The following ZDHHC14 variants were observed in gnomAD, a reference collection of about 807,000 sequenced individuals.
ZDHHC14 encodes the protein palmitoyltransferase ZDHHC14.
Under a neutral mutation model 47.7 loss-of-function variants are expected in ZDHHC14, and 16 were observed. That is an observed-to-expected ratio of 0.34 (90% CI 0.23 to 0.51). The LOEUF (loss-of-function observed/expected upper bound fraction) is 0.51, where lower values mean the gene tolerates loss of function less well. Ranked by LOEUF, ZDHHC14 falls within the 20% of genes least tolerant of loss-of-function variation. ZDHHC14 has a pLI of 0.97. For synonymous variants in ZDHHC14, 293 were observed against 278.9 expected (o/e 1.05, Z -0.50); for missense variants, 515 against 662.5 (o/e 0.78, Z 2.44).
At chr6:157,407,150 G>A (rs1457690056) in intron 1 of ZDHHC14, among the ~76,000 whole-genome samples, 1 of 152,184 alleles carries the variant, frequency 6.6e-6, no homozygotes, top group East Asian at 1.9e-4. Flanking sequence ...CAAAGAGGGT[G>A]GGTGACCAGT....
At chr6:157,472,923 T>C (rs2114827495) in intron 1 of ZDHHC14, among the ~76,000 whole-genome samples, 1 of 152,338 alleles carries the variant, frequency 6.6e-6, no homozygotes, top group South Asian at 2.1e-4. Context: ...TGCCATATTG[T>C]GTTGCTTCCT....
chr6:157,539,242 A>G (rs1781658464), intron 1 of ZDHHC14, among the ~76,000 whole-genome samples: 1 of 151,894 alleles, frequency 6.6e-6, no homozygotes, highest in Non-Finnish European at 1.5e-5. Flanking sequence ...TTTCTACAAA[A>G]CACACAAAAA....
chr6:157,486,847 G>A (rs141115594), intron 1 of ZDHHC14, among the ~76,000 whole-genome samples: 141 of 152,330 alleles, frequency 9.3e-4, no homozygotes, highest in Non-Finnish European at 1.7e-3. Context: ...ACAGAAGGAA[G>A]TGTGGTGAGC....
intron 5 of ZDHHC14, among the ~76,000 whole-genome samples, chr6:157,644,603 A>G (rs952971471): frequency 2.0e-5 from 3 of 152,220 alleles, no homozygotes; most frequent in African/African-American, 7.2e-5. Context: ...ACAGCAGACC[A>G]CGGCACCGCA....
intron 1 of ZDHHC14, among the ~76,000 whole-genome samples, chr6:157,479,786 G>A (rs1378035799): frequency 6.6e-6 from 1 of 152,276 alleles, no homozygotes; most frequent in African/African-American, 2.4e-5. Flanking sequence ...GCCTGCCCAA[G>A]TGGACACTTC....
chr6:157,398,957 A>C (rs1471664073), intron 1 of ZDHHC14, among the ~76,000 whole-genome samples: 2 of 152,222 alleles, frequency 1.3e-5, no homozygotes, highest in African/African-American at 4.8e-5. Context: ...CCAAAGAAAA[A>C]TGATTTTACT....
At chr6:157,433,578 G>T (rs77137580) in intron 1 of ZDHHC14, among the ~76,000 whole-genome samples, 31,455 of 152,192 alleles carry the variant, frequency 0.21, 4,228 homozygotes, top group Middle Eastern at 0.33. Flanking sequence ...TTTTGTCCTG[G>T]TTACAACGGG....
intron 1 of ZDHHC14, among the ~76,000 whole-genome samples, chr6:157,461,476 G>A (rs1779085353): frequency 6.6e-6 from 1 of 152,152 alleles, no homozygotes; most frequent in South Asian, 2.1e-4. Context: ...CGCATTGTAC[G>A]TGTACAGTCC....
Position 157,524,676 on chromosome 6 carries a change from C to T in ZDHHC14, c.246-17909C>T, listed in dbSNP as rs543856848. On this transcript the variant is annotated intron_variant, in intron 1 of 8. Transcript: ENST00000359775. ...GACCCAAGCTTCAGTTAATCCGTGA[C>T]GGAGCCTTAACTAATAATTTAAAAG... Among the ~76,000 whole-genome samples the T allele has an allele frequency of 6.6e-5, 10 of 152,316 alleles. 1 individual carries two copies. In the East Asian group the frequency reaches 7.7e-4, roughly 12 times the overall value.
At chr6:157,406,239 G>A (rs1777760545) in intron 1 of ZDHHC14, among the ~76,000 whole-genome samples, 1 of 152,208 alleles carries the variant, frequency 6.6e-6, no homozygotes, top group Non-Finnish European at 1.5e-5. Flanking sequence ...AGGACCGGGT[G>A]CTGAGAGGTG....
At position 157,416,972 on chromosome 6, in the gene ZDHHC14, G is replaced by GTTTTTTTTTTTT. The variant is rs71027335; in HGVS notation, c.245+34724_245+34735dup. 2.7e-3 allele frequency among the ~76,000 whole-genome samples: 124 copies of GTTTTTTTTTTTT among 45,558 alleles called. 3 individuals are homozygous for GTTTTTTTTTTTT. Among genetic ancestry groups the GTTTTTTTTTTTT allele is most frequent in the African/African-American group, 4.3e-3 (39 of 9,064 alleles). The allele number at this position is 45,558 out of a possible 152,430, so 29.9% of individuals were successfully genotyped here. A position where few individuals can be genotyped will look rare whatever the true frequency, so the allele number is the denominator to read the frequency against. ...AGGTGCCCGCCACCATGCCTGGCTA[G>GTTTTTTTTTTTT]TTTTTTTTTTTTTTTTTTTTTTTTT... On this transcript the variant is annotated intron_variant, in intron 1 of 8. Transcript: ENST00000359775.
At chr6:157,399,651 G>A (rs945738312) in intron 1 of ZDHHC14, among the ~76,000 whole-genome samples, 3 of 152,246 alleles carry the variant, frequency 2.0e-5, no homozygotes, top group Admixed American at 6.5e-5. Flanking sequence ...CCACTGGAGC[G>A]GCTTCCCTGC....
chr6:157,579,885 T>C (rs1783452073), intron 2 of ZDHHC14, among the ~76,000 whole-genome samples: 1 of 152,204 alleles, frequency 6.6e-6, no homozygotes. Flanking sequence ...CTTTTATTTC[T>C]TCCTCCTGAC....
intron 2 of ZDHHC14, among the ~76,000 whole-genome samples, chr6:157,590,844 G>A (rs1051742169): frequency 1.3e-5 from 2 of 152,248 alleles, no homozygotes; most frequent in African/African-American, 4.8e-5. Context: ...GAAAGCAGTT[G>A]GGAGGGGGGT....
chr6:157,461,996 T>C (rs1365856559), intron 1 of ZDHHC14, among the ~76,000 whole-genome samples: 1 of 152,188 alleles, frequency 6.6e-6, no homozygotes, highest in African/African-American at 2.4e-5. Flanking sequence ...CCCTGTTGGG[T>C]CAGATCCTGG....
Position 157,493,661 on chromosome 6 carries a change from GCC to G in ZDHHC14, c.246-48922_246-48921del, listed in dbSNP as rs1290723743. Among the ~76,000 whole-genome samples, 6 of 152,378 alleles carry G rather than the reference GCC, an allele frequency of 3.9e-5. No homozygotes were observed. The South Asian group carries it at 1.2e-3, about 32-fold the overall frequency. On this transcript the variant is annotated intron_variant, in intron 1 of 8. Transcript: ENST00000359775. ...TCAGGATGGGTGCTGTGTGGGCACA[GCC>G]CTGGAACTTCCAAAGCAGCGATGCT...
chr6:157,570,390 T>A (rs551385686), intron 2 of ZDHHC14, among the ~76,000 whole-genome samples: 1 of 152,366 alleles, frequency 6.6e-6, no homozygotes, highest in South Asian at 2.1e-4. Flanking sequence ...TTTCTGACAA[T>A]GCAGAAATTA....
At chr6:157,633,123 A>T (rs1224471875) in intron 5 of ZDHHC14, among the ~76,000 whole-genome samples, 2 of 152,126 alleles carry the variant, frequency 1.3e-5, no homozygotes, top group African/African-American at 4.8e-5. Context: ...ACCCCCAGAA[A>T]TCAGCATGGA....
chr6:157,543,962 AT>A (rs994131698), intron 2 of ZDHHC14, among the ~76,000 whole-genome samples: 2 of 152,252 alleles, frequency 1.3e-5, no homozygotes, highest in East Asian at 1.9e-4. Flanking sequence ...CTATCACTGC[AT>A]TTTTTTCCAC....
Sources: gnomAD v4.1 joint callset for allele counts (sites outside exome capture counted in the v4.1 genomes callset) on GRCh38, gnomAD v4.1.1 for gene constraint, MANE v1.5 for transcripts, NCBI Gene and HGNC (gene_info 2026-07-23, HGNC 2026-07-21) for gene names.